Variants in ATOSA observed in about 807,000 individuals in gnomAD.
ATOSA encodes atos homolog A, also known as atos homolog protein A.
the ATOSA span, among the ~76,000 whole-genome samples, chr15:52,694,124 ATGTGTGTGTGTGCG>A: frequency 6.8e-4 from 103 of 150,482 alleles, 1 homozygote; most frequent in Non-Finnish European, 2.7e-4. Flanking sequence ...TCAGCTGAGT[ATGTGTGTGTGTGCG>A]TGTGTGTGTG....
chr15:52,705,004 G>A, the ATOSA span, among the ~76,000 whole-genome samples: 4 of 152,140 alleles, frequency 2.6e-5, no homozygotes, highest in Admixed American at 1.3e-4. Flanking sequence ...CCATTACTGG[G>A]TATATACCCA....
chr15:52,637,481 G>C, the ATOSA span, among the ~76,000 whole-genome samples: 1 of 152,010 alleles, frequency 6.6e-6, no homozygotes, highest in East Asian at 1.9e-4. Flanking sequence ...AATCACCCAA[G>C]CCAAAAACGT....
chr15:52,678,060 A>G, the ATOSA span: 1 of 1,613,712 alleles, frequency 6.2e-7, no homozygotes, highest in Non-Finnish European at 8.5e-7. Flanking sequence ...TGTGAAATGC[A>G]CCTGTGGGTT....
the ATOSA span, among the ~76,000 whole-genome samples, chr15:52,593,952 C>T: frequency 6.6e-6 from 1 of 152,338 alleles, no homozygotes; most frequent in Admixed American, 6.5e-5. Flanking sequence ...TCCCATCAGT[C>T]TTCTACCATC....
At chr15:52,595,642 AAATCTACT>A in the ATOSA span, among the ~76,000 whole-genome samples, 7 of 152,090 alleles carry the variant, frequency 4.6e-5, no homozygotes, top group African/African-American at 1.7e-4. Flanking sequence ...TTATTTTTTA[AAATCTACT>A]GAAATTAGTG....
the ATOSA span, among the ~76,000 whole-genome samples, chr15:52,628,506 T>G: frequency 6.6e-6 from 1 of 152,202 alleles, no homozygotes; most frequent in Non-Finnish European, 1.5e-5. Flanking sequence ...TTCTCACTTT[T>G]GTAAATACTG....
At chr15:52,680,774 C>CTA in the ATOSA span, among the ~76,000 whole-genome samples, 1 of 152,170 alleles carries the variant, frequency 6.6e-6, no homozygotes, top group Non-Finnish European at 1.5e-5. Context: ...GTTCTTTAAT[C>CTA]TATAAAATGC....
the ATOSA span, among the ~76,000 whole-genome samples, chr15:52,701,203 G>A: frequency 3.9e-5 from 6 of 152,076 alleles, no homozygotes; most frequent in Admixed American, 3.9e-4. Flanking sequence ...ATATGGCCAG[G>A]CCTGGTGGCT....
chr15:52,690,294 T>G, the ATOSA span, among the ~76,000 whole-genome samples: 2 of 152,336 alleles, frequency 1.3e-5, no homozygotes, highest in Non-Finnish European at 2.9e-5. Flanking sequence ...TTGACATGAC[T>G]CCAGCCTAGA....
chr15:52,625,136 C>T, the ATOSA span, among the ~76,000 whole-genome samples: 2 of 152,044 alleles, frequency 1.3e-5, no homozygotes, highest in Admixed American at 6.6e-5. Context: ...CCTAACCTAA[C>T]CTACTTTACT....
At chr15:52,614,523 A>G in the ATOSA span, among the ~76,000 whole-genome samples, 11 of 151,944 alleles carry the variant, frequency 7.2e-5, no homozygotes, top group African/African-American at 2.4e-4. Context: ...TTATTCAGAG[A>G]TATCTATTGT....
At chr15:52,613,280 T>C in the ATOSA span, among the ~76,000 whole-genome samples, 3 of 152,206 alleles carry the variant, frequency 2.0e-5, no homozygotes, top group African/African-American at 7.2e-5. Flanking sequence ...ACAGAAGAAT[T>C]GCTTGAACCC....
chr15:52,652,208 T>G, the ATOSA span, among the ~76,000 whole-genome samples: 39 of 152,352 alleles, frequency 2.6e-4, no homozygotes, highest in Non-Finnish European at 7.3e-5. Context: ...AACTCAGCTG[T>G]GTTTAGGCAA....
At chr15:52,591,985 T>C in the ATOSA span, among the ~76,000 whole-genome samples, 1 of 152,130 alleles carries the variant, frequency 6.6e-6, no homozygotes, top group Non-Finnish European at 1.5e-5. Flanking sequence ...TATCAAAGTG[T>C]CAAACACTAA....
chr15:52,603,492 A>G, the ATOSA span, among the ~76,000 whole-genome samples: 5 of 152,006 alleles, frequency 3.3e-5, no homozygotes, highest in African/African-American at 4.8e-5. Context: ...TATCTTAAGG[A>G]AAAAAAAGGG....
chr15:52,679,690 C>T, the ATOSA span, among the ~76,000 whole-genome samples: 1 of 151,922 alleles, frequency 6.6e-6, no homozygotes, highest in Non-Finnish European at 1.5e-5. Flanking sequence ...TATTAGAGCG[C>T]AGGGTAACTG....
chr15:52,704,939 AGT>A, the ATOSA span, among the ~76,000 whole-genome samples: 1 of 152,238 alleles, frequency 6.6e-6, no homozygotes, highest in African/African-American at 2.4e-5. Flanking sequence ...TGTGGAAGAC[AGT>A]GTGGCAATTC....
chr15:52,643,078 T>G, the ATOSA span, among the ~76,000 whole-genome samples: 1 of 152,126 alleles, frequency 6.6e-6, no homozygotes, highest in Admixed American at 6.5e-5. Flanking sequence ...CCCTCTGTAT[T>G]CCACTAAATC....
chr15:52,633,233 T>G, the ATOSA span, among the ~76,000 whole-genome samples: 1 of 152,216 alleles, frequency 6.6e-6, no homozygotes, highest in Non-Finnish European at 1.5e-5. Flanking sequence ...CTTTTATGAA[T>G]TTTTCCACAA....
Sources: gnomAD v4.1 joint callset for allele counts (sites outside exome capture counted in the v4.1 genomes callset) on GRCh38, gnomAD v4.1.1 for gene constraint, MANE v1.5 for transcripts, NCBI Gene and HGNC (gene_info 2026-07-23, HGNC 2026-07-21) for gene names.